Variants in HORMAD2 observed in about 807,000 individuals in gnomAD.
The protein encoded by HORMAD2 is HORMA domain-containing protein 2.
In HORMAD2, 45 loss-of-function variants were observed where a neutral mutation model predicts 38.8. That is an observed-to-expected ratio of 1.16 (90% CI 0.91 to 1.49). The LOEUF is 1.49. HORMAD2 is among the 40% of genes most tolerant of loss of function. HORMAD2 has a pLI of 0.00. For synonymous variants in HORMAD2, 126 were observed against 122.8 expected, an observed-to-expected ratio of 1.03 and a Z score of -0.17; for missense variants, 338 against 367.0, an observed-to-expected ratio of 0.92 and a Z score of 0.65.
intron 3 of HORMAD2, among the ~76,000 whole-genome samples, chr22:30,101,265 T>G (rs1413922873): frequency 6.6e-6 from 1 of 152,106 alleles, no homozygotes; most frequent in Non-Finnish European, 1.5e-5. Context: ...GAAAAATAAT[T>G]AGTTCATGTC....
At chr22:30,204,265 C>T in the HORMAD2 span, among the ~76,000 whole-genome samples, 2 of 152,200 alleles carry the variant, frequency 1.3e-5, no homozygotes, top group African/African-American at 4.8e-5. Context: ...TGCCATCCAT[C>T]CATCACCCAA....
intron 3 of HORMAD2, among the ~76,000 whole-genome samples, chr22:30,100,286 C>A (rs1433898879): frequency 6.6e-6 from 1 of 152,160 alleles, no homozygotes; most frequent in South Asian, 2.1e-4. Context: ...CACCACACAT[C>A]TACAACCATC....
intron 5 of HORMAD2, among the ~76,000 whole-genome samples, chr22:30,111,428 G>T (rs1921646205): frequency 6.6e-6 from 1 of 152,148 alleles, no homozygotes; most frequent in South Asian, 2.1e-4. Context: ...AGATGTTGCA[G>T]TCAGCCGATA....
At chr22:30,112,721 T>TG (rs963008461) in intron 7 of HORMAD2, among the ~76,000 whole-genome samples, 199 bp downstream of exon 7, 14 of 152,046 alleles carry the variant, frequency 9.2e-5, no homozygotes, top group African/African-American at 3.4e-4. Flanking sequence ...GTAAGGGTAT[T>TG]GGGGAAAAAA....
intron 10 of HORMAD2, among the ~76,000 whole-genome samples, chr22:30,123,286 A>G (rs928168826): frequency 4.6e-5 from 7 of 151,910 alleles, no homozygotes; most frequent in South Asian, 2.1e-4. Flanking sequence ...TAGAAAGGGG[A>G]AAAAAAATGA....
the HORMAD2 span, among the ~76,000 whole-genome samples, chr22:30,192,638 A>G: frequency 6.6e-6 from 1 of 152,188 alleles, no homozygotes; most frequent in Admixed American, 6.5e-5. Flanking sequence ...AGACTGGTAA[A>G]CTACAGGATG....
intron 10 of HORMAD2, among the ~76,000 whole-genome samples, chr22:30,163,664 G>C (rs979004202): frequency 2.6e-5 from 4 of 152,006 alleles, no homozygotes; most frequent in Non-Finnish European, 5.9e-5. Context: ...CTGAGCTCAA[G>C]TAATCCACCT....
chr22:30,197,111 G>A, the HORMAD2 span, among the ~76,000 whole-genome samples: 1 of 152,016 alleles, frequency 6.6e-6, no homozygotes, highest in Non-Finnish European at 1.5e-5. Flanking sequence ...AAAGTTTTTG[G>A]GCAGGCTTTT....
chr22:30,182,943 A>G, the HORMAD2 span, among the ~76,000 whole-genome samples: 1 of 152,200 alleles, frequency 6.6e-6, no homozygotes, highest in South Asian at 2.1e-4. Context: ...TCAGCCATCC[A>G]GTTTCCTTCC....
chr22:30,194,209 G>A, the HORMAD2 span, among the ~76,000 whole-genome samples: 6 of 152,326 alleles, frequency 3.9e-5, no homozygotes, highest in Admixed American at 2.6e-4. Flanking sequence ...CATTTAGAGC[G>A]TTGCATTTAG....
In HORMAD2 at chr22:30,087,160, C is replaced by T. The variant is rs1020989663; in HGVS notation, c.-38+6669C>T. On this transcript the variant is annotated intron_variant, in intron 1 of 10. Transcript: ENST00000336726. ...ACAGGCGTGAGCCACTGCGCCTGGCCTACATTTGAGAAATATTAAGGTGAT... is the reference window on the plus strand; with the variant it reads ...ACAGGCGTGAGCCACTGCGCCTGGCTTACATTTGAGAAATATTAAGGTGAT... 7.2e-5 allele frequency among the ~76,000 whole-genome samples: 11 copies of T among 152,150 alleles called. No individual in the cohort carries two copies. In the East Asian group the frequency reaches 1.2e-3, roughly 16 times the overall value.
the HORMAD2 span, among the ~76,000 whole-genome samples, chr22:30,201,489 T>C: frequency 1.4e-5 from 2 of 142,218 alleles, no homozygotes; most frequent in East Asian, 4.4e-4. Flanking sequence ...CGATCTCAGC[T>C]CACTGCAGGC....
At chr22:30,100,901 T>G (rs569695574) in intron 3 of HORMAD2, among the ~76,000 whole-genome samples, 1 of 152,268 alleles carries the variant, frequency 6.6e-6, no homozygotes, top group Admixed American at 6.5e-5. Context: ...TCATGCCAGT[T>G]AGAACGGAAA....
intron 7 of HORMAD2, 111 bp downstream of exon 7, chr22:30,112,633 G>T (rs1368845057): frequency 4.4e-6 from 2 of 457,582 alleles, no homozygotes. Flanking sequence ...ATGAGCAGAG[G>T]AACTAATAGT....
chr22:30,189,818 C>T, the HORMAD2 span, among the ~76,000 whole-genome samples: 1 of 152,154 alleles, frequency 6.6e-6, no homozygotes, highest in African/African-American at 2.4e-5. Flanking sequence ...CCTCTCCTGA[C>T]ACCCTGCTGC....
In HORMAD2 at chr22:30,103,514, A is replaced by C; in HGVS notation, c.257+14A>C. 1 of 1,370,790 alleles carries C rather than the reference A, an allele frequency of 7.3e-7. No individual in the cohort carries two copies. Among genetic ancestry groups the C allele is most frequent in the Non-Finnish European group, 1.0e-6 (1 of 984,634 alleles). The allele number at this position is 1,370,790 out of a possible 1,614,324, so 84.9% of individuals were successfully genotyped here. ...TATTATCAGATGGTAAGTAATAGAA[A>C]TTCTATAAAAGTTGAACAACATTAT... On this transcript the variant is annotated intron_variant, in intron 4 of 10. Coordinates refer to ENST00000336726, the MANE Select transcript of HORMAD2 (RefSeq NM_152510.4).
intron 5 of HORMAD2, among the ~76,000 whole-genome samples, chr22:30,107,700 A>G (rs145367258): frequency 0.06 from 9,079 of 151,390 alleles, 365 homozygotes; most frequent in Non-Finnish European, 0.084. Flanking sequence ...CAGTGAGCTG[A>G]GACCATGCCA....
chr22:30,143,530 G>C (rs1267283977), intron 10 of HORMAD2, among the ~76,000 whole-genome samples: 1 of 152,134 alleles, frequency 6.6e-6, no homozygotes, highest in Non-Finnish European at 1.5e-5. Flanking sequence ...CCTGCTGAGA[G>C]ATCAGCTGTT....
chr22:30,099,009 C>G lies in HORMAD2; in HGVS notation c.193+16C>G. On this transcript the variant is annotated intron_variant, in intron 3 of 10. Coordinates refer to ENST00000336726, the MANE Select transcript of HORMAD2 (RefSeq NM_152510.4). ...CATTTGGATGGTAAAGTTAAACTAA[C>G]TAGTCTCTTTGGCTGTTGTAGCCCC... 6.2e-7 allele frequency: 1 copy of G among 1,602,048 alleles called. No individual in the cohort carries two copies. Among genetic ancestry groups the G allele is most frequent in the South Asian group, 1.1e-5 (1 of 89,154 alleles).
Sources: allele counts gnomAD v4.1 joint callset (sites outside exome capture counted in the v4.1 genomes callset), GRCh38; gene constraint gnomAD v4.1.1; transcripts MANE v1.5; gene names NCBI Gene and HGNC (gene_info 2026-07-23, HGNC 2026-07-21).